Variants in GK2 observed in about 807,000 individuals in gnomAD.
The protein encoded by GK2 is glycerol kinase 2.
GK2 carries 10 observed loss-of-function variants against 9.5 expected under a neutral mutation model. The ratio of observed to expected loss-of-function variants is 1.05; its 90% CI spans 0.65 to 1.78. The LOEUF (loss-of-function observed/expected upper bound fraction) is 1.78. GK2 is among the 40% of genes most tolerant of loss of function. The pLI is 0.00. For missense variants in GK2, 643 were observed against 669.0 expected (o/e 0.96, Z 0.43); for synonymous variants, 228 against 229.9 (o/e 0.99, Z 0.07).
rs747491513 is a variant in GK2, at chr4:79,406,948, G to A, written c.1253C>T (p.Pro418Leu). The stretch of plus-strand genomic sequence containing the variant: ...TCCATCTACCTGCAAATGACGAAGT[G>A]GAATTCCACAGTCACGGTTCATGGC... Reference protein sequence around the residue: ...LEAMNRDCGIPLRHLQVDGGM... With the variant: ...LEAMNRDCGILLRHLQVDGGM... Residue 418 changes from proline to leucine, a missense_variant, in exon 1 of 1, where the codon CCA becomes CTA. Coordinates refer to ENST00000358842, the MANE Select transcript of GK2 (RefSeq NM_033214.3). The A allele has an allele frequency of 1.2e-6, 2 of 1,614,072 alleles. No homozygotes were observed. Among genetic ancestry groups the A allele is most frequent in the African/African-American group, 1.3e-5 (1 of 74,934 alleles).
Position 79,407,844 on chromosome 4 carries a change from G to C in GK2, c.357C>G (p.Thr119=). The C allele has an allele frequency of 6.2e-7, 1 of 1,614,038 alleles. No individual in the cohort carries two copies. Among genetic ancestry groups the C allele is most frequent in the Non-Finnish European group, 8.5e-7 (1 of 1,179,974 alleles). ...YNAVVWLDLR[T]QTTVEDLSKK... Reference sequence around the variant, plus strand: ...TACTAAGATCCTCAACAGTAGTCTGGGTTCTTAGATCAAGCCACACCACAG... The same window carrying C: ...TACTAAGATCCTCAACAGTAGTCTGCGTTCTTAGATCAAGCCACACCACAG... The change falls in exon 1 of 1, where the codon ACC becomes ACG. Residue 119 remains threonine, a synonymous_variant. Transcript: ENST00000358842.
In GK2 at chr4:79,408,148, T is replaced by G; in HGVS notation, c.53A>C (p.Gln18Pro). Residue 18 changes from glutamine (Q) to proline (P), a missense_variant, in exon 1 of 1, where the codon CAG (glutamine) becomes CCG (proline). Physicochemically the swap from Gln to Pro is moderately conservative, Grantham distance 76. Transcript: ENST00000358842. ...AVGPLVGAVV[Q>P]GTNSTRFLVF... is the part of the protein sequence containing the mutation. ...CAGAAAGCGAGTGGAGTTGGTGCCC[T>G]GGACCACCGCTCCCACCAACGGCCC... 6.2e-7 allele frequency: 1 copy of G among 1,612,134 alleles called. No homozygotes were observed. The highest frequency in any genetic ancestry group is 8.5e-7 in the Non-Finnish European group (1 of 1,178,900).
In GK2 at chr4:79,406,883, C is replaced by G. The variant is rs202223457; in HGVS notation, c.1318G>C (p.Asp440His). Reference protein sequence around the residue: ...NNKVLMQLQADILHIPVIKPF... With the variant: ...NNKVLMQLQAHILHIPVIKPF... Reference sequence around the variant, plus strand: ...TTTATTACTGGAATATGAAGAATATCTGCTTGTAGCTGCATAAGAACTTTG... The same window carrying G: ...TTTATTACTGGAATATGAAGAATATGTGCTTGTAGCTGCATAAGAACTTTG... Residue 440 changes from aspartate (D) to histidine (H), a missense_variant, in exon 1 of 1, where the codon GAT becomes CAT. Coordinates refer to ENST00000358842, the MANE Select transcript of GK2 (RefSeq NM_033214.3). 168 of 1,614,070 alleles carry G rather than the reference C, an allele frequency of 1.0e-4. No individual in the cohort carries two copies. Among genetic ancestry groups the G allele is most frequent in the Non-Finnish European group, 1.4e-4 (160 of 1,179,996 alleles).
rs1725893687 is a variant in GK2 at position 79,408,006 on chromosome 4, G to A, written c.195C>T (p.Tyr65=). 4 of 1,614,058 alleles carry A rather than the reference G, an allele frequency of 2.5e-6. No individual in the cohort carries two copies. Among genetic ancestry groups the A allele is most frequent in the Non-Finnish European group, 3.4e-6 (4 of 1,179,948 alleles). Residue 65 remains tyrosine, a synonymous_variant, in exon 1 of 1, where the codon TAC becomes TAT. Transcript: ENST00000358842. ...TCTCACACGTTCTCGCTATACACTC[G>A]TAGACAGACTGAAGAATTTCTTTAG... ...QDPKEILQSV[Y]ECIARTCEKL...
chr4:79,407,247 C>T lies in GK2; in HGVS notation c.954G>A (p.Leu318=). 6.2e-7 allele frequency: 1 copy of T among 1,614,194 alleles called. No individual in the cohort carries two copies. The highest frequency in any genetic ancestry group is 8.5e-7 in the Non-Finnish European group (1 of 1,180,028). Residue 318 remains leucine (L), a synonymous_variant, in exon 1 of 1, where the codon CTG becomes CTA. Coordinates refer to ENST00000358842, the MANE Select transcript of GK2 (RefSeq NM_033214.3). Reference sequence around the variant, plus strand: ...CACCTGCTATAGCAACAGAACCTTCCAGTGCATAATATGCTGGCTTCTCTC... The same window carrying T: ...CACCTGCTATAGCAACAGAACCTTCTAGTGCATAATATGCTGGCTTCTCTC... The part of the protein sequence containing the change: ...LGREKPAYYA[L]EGSVAIAGAV...
In GK2 at chr4:79,407,219, C is replaced by G; in HGVS notation, c.982G>C (p.Val328Leu). The change falls in exon 1 of 1, where the codon GTT becomes CTT. Residue 328 changes from valine (V) to leucine (L), a missense_variant. Coordinates refer to ENST00000358842, the MANE Select transcript of GK2 (RefSeq NM_033214.3). Reference protein sequence around the residue: ...LEGSVAIAGAVIRWLRDNLGI... With the variant: ...LEGSVAIAGALIRWLRDNLGI... Reference sequence around the variant, plus strand: ...AGATTGTCTCTTAGCCAACGAATAACAGCACCTGCTATAGCAACAGAACCT... The same window carrying G: ...AGATTGTCTCTTAGCCAACGAATAAGAGCACCTGCTATAGCAACAGAACCT... 2 of 1,614,200 alleles carry G rather than the reference C, an allele frequency of 1.2e-6. No homozygotes were observed. Among genetic ancestry groups the G allele is most frequent in the Non-Finnish European group, 1.7e-6 (2 of 1,180,028 alleles).
rs370305280 is a variant in GK2, at chr4:79,407,826, A to T, written c.375T>A (p.Asp125Glu). The T allele has an allele frequency of 3.4e-5, 55 of 1,614,034 alleles. No individual in the cohort carries two copies. The highest frequency in any genetic ancestry group is 4.6e-5 in the Non-Finnish European group (54 of 1,180,040). Residue 125 changes from aspartate (D) to glutamate (E), a missense_variant, in exon 1 of 1, where the codon GAT becomes GAA. Coordinates refer to ENST00000358842, the MANE Select transcript of GK2 (RefSeq NM_033214.3). Reference sequence around the variant, plus strand: ...TATTTCCTGGAATTTTTTTACTAAGATCCTCAACAGTAGTCTGGGTTCTTA... The same window carrying T: ...TATTTCCTGGAATTTTTTTACTAAGTTCCTCAACAGTAGTCTGGGTTCTTA... The part of the protein sequence containing the change: ...LDLRTQTTVE[D>E]LSKKIPGNSN...
chr4:79,407,357 C>G lies in GK2; in HGVS notation c.844G>C (p.Gly282Arg), dbSNP rs367710479. 6.2e-7 allele frequency: 1 copy of G among 1,614,184 alleles called. No homozygotes were observed. Among genetic ancestry groups the G allele is most frequent in the Non-Finnish European group, 8.5e-7 (1 of 1,180,028 alleles). The change falls in exon 1 of 1, where the codon GGT becomes CGT. Residue 282 changes from glycine to arginine, a missense_variant. By Grantham distance (125) the Gly-to-Arg change is moderately radical. Coordinates refer to ENST00000358842, the MANE Select transcript of GK2 (RefSeq NM_033214.3). ...CCCGTATTACACAGTAAGAAGCAACCTGTTCCATAGGTGTTTTTGGCTTGT... is the reference window on the plus strand; with the variant it reads ...CCCGTATTACACAGTAAGAAGCAACGTGTTCCATAGGTGTTTTTGGCTTGT... ...EGQAKNTYGTGCFLLCNTGRK... is the reference protein window; with the variant it reads ...EGQAKNTYGTRCFLLCNTGRK...
At position 79,406,808 on chromosome 4, in the gene GK2, C is replaced by A. The variant is rs201967708; in HGVS notation, c.1393G>T (p.Ala465Ser). Residue 465 changes from alanine to serine, a missense_variant, in exon 1 of 1, where the codon GCT becomes TCT. Coordinates refer to ENST00000358842, the MANE Select transcript of GK2 (RefSeq NM_033214.3). ...CTCCAAACGCTTACTCCCTCTGCAGCCCCTGCTGCCATGGCAGCTCCTAGT... is the reference window on the plus strand; with the variant it reads ...CTCCAAACGCTTACTCCCTCTGCAGACCCTGCTGCCATGGCAGCTCCTAGT... ...TALGAAMAAG[A>S]AEGVSVWSLE... 536 of 1,614,216 alleles carry A rather than the reference C, an allele frequency of 3.3e-4. 5 individuals are homozygous for A. The highest frequency in any genetic ancestry group is 5.9e-5 in the Non-Finnish European group (70 of 1,180,042).
Position 79,407,585 on chromosome 4 carries a change from T to C in GK2, c.616A>G (p.Met206Val). Residue 206 changes from methionine to valine, a missense_variant, in exon 1 of 1, where the codon ATG (methionine) becomes GTG (valine). Met to Val is a conservative substitution (Grantham distance 21). Transcript: ENST00000358842. Reference protein sequence around the residue: ...CTDVTNASRTMLFNIHSLEWD... With the variant: ...CTDVTNASRTVLFNIHSLEWD... ...TCCAAAGAATGGATATTAAAAAGCA[T>C]TGTCCTACTTGCATTTGTTACATCT... The C allele has an allele frequency of 1.2e-6, 2 of 1,614,168 alleles. No individual in the cohort carries two copies. Among genetic ancestry groups the C allele is most frequent in the Non-Finnish European group, 1.7e-6 (2 of 1,180,010 alleles).
Position 79,407,493 on chromosome 4 carries a change from A to G in GK2, c.708T>C (p.Ser236=), listed in dbSNP as rs1560526419. ...TTTTAATTAGGCCATAGATCTCAGA[A>G]GAACTGAAGACATTTGGAAGAAGGT... The part of the protein sequence containing the change: ...PMDLLPNVFS[S]SEIYGLIKTG... The change falls in exon 1 of 1, where the codon TCT becomes TCC. Residue 236 remains serine (S), a synonymous_variant. Transcript: ENST00000358842. 1 of 1,614,196 alleles carries G rather than the reference A, an allele frequency of 6.2e-7. No individual in the cohort carries two copies. The highest frequency in any genetic ancestry group is 1.7e-5 in the Admixed American group (1 of 60,036).
chr4:79,406,837 G>A lies in GK2; in HGVS notation c.1364C>T (p.Thr455Ile). 6.2e-7 allele frequency: 1 copy of A among 1,614,198 alleles called. No homozygotes were observed. Among genetic ancestry groups the A allele is most frequent in the Non-Finnish European group, 8.5e-7 (1 of 1,180,026 alleles). ...TGCTGCCATGGCAGCTCCTAGTGCA[G>A]TTGTTTCAGGCATAAAGGGTTTTAT... Reference protein sequence around the residue: ...PVIKPFMPETTALGAAMAAGA... With the variant: ...PVIKPFMPETIALGAAMAAGA... Residue 455 changes from threonine to isoleucine, a missense_variant, in exon 1 of 1, where the codon ACT becomes ATT. Thr to Ile is a moderately conservative substitution (Grantham distance 89). Transcript: ENST00000358842.
At position 79,407,930 on chromosome 4, in the gene GK2, T is replaced by A; in HGVS notation, c.271A>T (p.Ser91Cys). Residue 91 changes from serine to cysteine, a missense_variant, in exon 1 of 1, where the codon AGC becomes TGC. Ser to Cys is a moderately radical substitution (Grantham distance 112). Transcript: ENST00000358842. The stretch of plus-strand genomic sequence containing the variant: ...ATTACAGTGGTTTCCCTCTGATTGC[T>A]GACACCAACAGCTTTTATGTTGGAT... ...DISNIKAVGV[S>C]NQRETTVIWD... The A allele has an allele frequency of 6.2e-7, 1 of 1,614,204 alleles. No homozygotes were observed. The highest frequency in any genetic ancestry group is 8.5e-7 in the Non-Finnish European group (1 of 1,180,034).
chr4:79,406,608 A>T lies in GK2; in HGVS notation c.1593T>A (p.Pro531=). The change falls in exon 1 of 1, where the codon CCT becomes CCA. Residue 531 remains proline, a synonymous_variant. Transcript: ENST00000358842. ...TGCTACTCACTATAAAAAATCCCAAAGGCAGACTAGAGAAGATAGAAGGAT... is the reference window on the plus strand; with the variant it reads ...TGCTACTCACTATAAAAAATCCCAATGGCAGACTAGAGAAGATAGAAGGAT... ...GGDPSIFSSL[P]LGFFIVSSMV... 3 of 1,614,080 alleles carry T rather than the reference A, an allele frequency of 1.9e-6. No homozygotes were observed. The highest frequency in any genetic ancestry group is 2.5e-6 in the Non-Finnish European group (3 of 1,179,932).
In GK2 at chr4:79,406,535, A is replaced by T; in HGVS notation, c.*4T>A. ...TACATCTTGGGACTCCATAGCTGGT[A>T]TTATTATGGCACACCCGAGATATAT... On this transcript the variant is annotated 3_prime_UTR_variant, in exon 1 of 1. Transcript: ENST00000358842. The T allele has an allele frequency of 6.4e-7, 1 of 1,560,428 alleles. No individual in the cohort carries two copies. The highest frequency in any genetic ancestry group is 1.1e-5 in the South Asian group (1 of 89,478).
At position 79,407,667 on chromosome 4, in the gene GK2, A is replaced by G. The variant is rs369175888; in HGVS notation, c.534T>C (p.Ile178=). ...VEEGRALFGT[I]DSWLIWSLTG... ...TCAAACTCCAGATAAGCCATGAATCAATGGTACCAAAAAGAGCTCTACCTT... is the reference window on the plus strand; with the variant it reads ...TCAAACTCCAGATAAGCCATGAATCGATGGTACCAAAAAGAGCTCTACCTT... Residue 178 remains isoleucine (I), a synonymous_variant, in exon 1 of 1, where the codon ATT becomes ATC. Coordinates refer to ENST00000358842, the MANE Select transcript of GK2 (RefSeq NM_033214.3). 6.2e-7 allele frequency: 1 copy of G among 1,614,128 alleles called. No homozygotes were observed. The highest frequency in any genetic ancestry group is 8.5e-7 in the Non-Finnish European group (1 of 1,180,052).
At position 79,407,101 on chromosome 4, in the gene GK2, A is replaced by C. The variant is rs2110046222; in HGVS notation, c.1100T>G (p.Leu367Ter). 1 of 1,614,184 alleles carries C rather than the reference A, an allele frequency of 6.2e-7. No individual in the cohort carries two copies. The highest frequency in any genetic ancestry group is 8.5e-7 in the Non-Finnish European group (1 of 1,180,008). ...ACTGGGCTCCCAATAAGGTGCATAT[A>C]ACCCTGAAAAGGCTGGGACAAAGTA... is the stretch of plus-strand genomic sequence containing the variant. Reference protein sequence around the residue: ...GCYFVPAFSGLYAPYWEPSAR... With the variant: ...GCYFVPAFSG Residue 367 changes from leucine to a stop codon, truncating the protein, a stop_gained, in exon 1 of 1, where the codon TTA becomes TGA. Coordinates refer to ENST00000358842, the MANE Select transcript of GK2 (RefSeq NM_033214.3). LOFTEE classifies it low-confidence loss of function (END_TRUNC).
chr4:79,406,618 G>A lies in GK2; in HGVS notation c.1583C>T (p.Ser528Phe). 1 of 1,613,954 alleles carries A rather than the reference G, an allele frequency of 6.2e-7. No individual in the cohort carries two copies. The highest frequency in any genetic ancestry group is 8.5e-7 in the Non-Finnish European group (1 of 1,179,842). ...SPEGGDPSIF[S>F]SLPLGFFIVS... ...TATAAAAAATCCCAAAGGCAGACTA[G>A]AGAAGATAGAAGGATCACCACCTTC... The change falls in exon 1 of 1, where the codon TCT (serine) becomes TTT (phenylalanine). Residue 528 changes from serine to phenylalanine, a missense_variant. Physicochemically the swap from Ser to Phe is radical, Grantham distance 155 (BLOSUM62 -2). Coordinates refer to ENST00000358842, the MANE Select transcript of GK2 (RefSeq NM_033214.3).
At position 79,407,381 on chromosome 4, in the gene GK2, G is replaced by T; in HGVS notation, c.820C>A (p.Gln274Lys). The stretch of plus-strand genomic sequence containing the variant: ...CCTGTTCCATAGGTGTTTTTGGCTT[G>T]TCCCTCCTGGAAGCACATTTGTCCT... ...LVGQMCFQEG[Q>K]AKNTYGTGCF... The change falls in exon 1 of 1, where the codon CAA (glutamine) becomes AAA (lysine). Residue 274 changes from glutamine to lysine, a missense_variant. Physicochemically the swap from Gln to Lys is moderately conservative, Grantham distance 53 (BLOSUM62 1). Coordinates refer to ENST00000358842, the MANE Select transcript of GK2 (RefSeq NM_033214.3). The T allele has an allele frequency of 1.2e-6, 2 of 1,614,132 alleles. No individual in the cohort carries two copies. Among genetic ancestry groups the T allele is most frequent in the Non-Finnish European group, 1.7e-6 (2 of 1,180,018 alleles).
Sources: allele counts gnomAD v4.1 joint callset, GRCh38; gene constraint gnomAD v4.1.1; transcripts MANE v1.5; gene names NCBI Gene and HGNC (gene_info 2026-07-23, HGNC 2026-07-21).